NAALADL2: variants seen among roughly 807,000 people sequenced by gnomAD.
NAALADL2 encodes N-acetylated alpha-linked acidic dipeptidase like 2.
A neutral mutation model predicts 87.2 loss-of-function variants in NAALADL2; 76 were observed. The ratio of observed to expected loss-of-function variants is 0.87; its 90% CI spans 0.72 to 1.05. The LOEUF is 1.05. Among genes scored for constraint, NAALADL2 ranks in the 50% least tolerant of loss-of-function variants. The pLI, the probability that NAALADL2 is intolerant of heterozygous loss-of-function variation, is 0.00. For synonymous variants in NAALADL2, 354 were observed against 331.0 expected, an observed-to-expected ratio of 1.07 and a Z score of -0.75; for missense variants, 1,089 against 945.8, an observed-to-expected ratio of 1.15 and a Z score of -1.99.
chr3:174,475,900 A>T (rs1717181017), intron 1 of NAALADL2, among the ~76,000 whole-genome samples: 1 of 151,970 alleles, frequency 6.6e-6, no homozygotes, highest in African/African-American at 2.4e-5. Flanking sequence ...AGTCAAGGAG[A>T]TGAACAAAGG....
chr3:175,777,661 C>T (rs989148197), intron 13 of NAALADL2, among the ~76,000 whole-genome samples: 2 of 152,078 alleles, frequency 1.3e-5, no homozygotes, highest in Non-Finnish European at 2.9e-5. Context: ...AACCATCAGC[C>T]TCTGTGGTTG....
chr3:174,589,098 C>T lies in NAALADL2; in HGVS notation c.-115+38461C>T, dbSNP rs191552280. On this transcript the variant is annotated intron_variant, in intron 2 of 3. Transcript: ENST00000434257. ...ATGGCGGACACCCCTCCCCCAGCCT[C>T]GCTGCCACCTTGCAGTTCGATCTCA... 2.3e-3 allele frequency among the ~76,000 whole-genome samples: 344 copies of T among 152,302 alleles called. 2 individuals carry two copies. The highest frequency in any genetic ancestry group is 7.9e-3 in the African/African-American group (329 of 41,576).
chr3:174,470,318 C>T (rs1285309084), intron 1 of NAALADL2, among the ~76,000 whole-genome samples: 3 of 152,032 alleles, frequency 2.0e-5, no homozygotes, highest in Non-Finnish European at 2.9e-5. Flanking sequence ...TTCCTCTTCA[C>T]GTTCTTTGCC....
intron 10 of NAALADL2, among the ~76,000 whole-genome samples, chr3:175,582,228 A>T: frequency 6.6e-6 from 1 of 152,298 alleles, no homozygotes; most frequent in South Asian, 2.1e-4. Context: ...TAAAAAAAAA[A>T]AAGAAGAATG....
intron 2 of NAALADL2, among the ~76,000 whole-genome samples, chr3:175,137,376 G>A (rs866400244): frequency 6.6e-6 from 1 of 151,628 alleles, no homozygotes; most frequent in Non-Finnish European, 1.5e-5. Context: ...TTCTAATTAC[G>A]TTTTTACTTA....
At chr3:174,680,994 C>A (rs889251029) in intron 2 of NAALADL2, among the ~76,000 whole-genome samples, 11 of 152,184 alleles carry the variant, frequency 7.2e-5, no homozygotes, top group Non-Finnish European at 1.3e-4. Flanking sequence ...TCAACAGTAG[C>A]TGTGTTGCAT....
intron 3 of NAALADL2, among the ~76,000 whole-genome samples, chr3:174,787,872 T>G (rs920609380): frequency 6.6e-6 from 1 of 151,560 alleles, no homozygotes; most frequent in Non-Finnish European, 1.5e-5. Flanking sequence ...ATTCAGTTGG[T>G]TAATAACCAA....
At chr3:175,456,748 C>T (rs192367696) in intron 6 of NAALADL2, among the ~76,000 whole-genome samples, 39 of 152,102 alleles carry the variant, frequency 2.6e-4, no homozygotes, top group Middle Eastern at 3.4e-3. Flanking sequence ...ACATTACTAC[C>T]ATGCATTCCA....
chr3:175,529,731 C>T (rs1008631267), intron 9 of NAALADL2, among the ~76,000 whole-genome samples: 2 of 152,158 alleles, frequency 1.3e-5, no homozygotes, highest in African/African-American at 2.4e-5. Flanking sequence ...AAAGTAAGCA[C>T]CTTGGTCAGA....
rs184070053 is a variant in NAALADL2, at chr3:174,601,099, A to G, written c.-115+50462A>G. ...CCAATTATACTCTTTCAGTTATTTCATAGAAGTACAGATATCTCTTCAATA... is the reference window on the plus strand; with the variant it reads ...CCAATTATACTCTTTCAGTTATTTCGTAGAAGTACAGATATCTCTTCAATA... On this transcript the variant is annotated intron_variant, in intron 2 of 3. Transcript: ENST00000434257. Among the ~76,000 whole-genome samples, 14 of 152,242 alleles carry G rather than the reference A, an allele frequency of 9.2e-5. No homozygotes were observed. The East Asian group carries it at 1.4e-3, about 15-fold the overall frequency.
intron 1 of NAALADL2, among the ~76,000 whole-genome samples, chr3:175,013,063 A>ATATATAAAAATATGTAATATATATT (rs1750095055): frequency 5.6e-5 from 2 of 35,848 alleles, no homozygotes; most frequent in African/African-American, 2.3e-4. Flanking sequence ...ATATATACAC[A>ATATATAAAAATATGTAATATATATT]TATATATAAA....
intron 1 of NAALADL2, among the ~76,000 whole-genome samples, chr3:175,039,049 C>T (rs182400610): frequency 1.7e-4 from 26 of 152,086 alleles, no homozygotes; most frequent in African/African-American, 5.1e-4. Context: ...AGTAGCACCC[C>T]CCTTTTATTT....
intron 1 of NAALADL2, among the ~76,000 whole-genome samples, chr3:175,096,216 T>G (rs753569001): frequency 6.6e-6 from 1 of 152,140 alleles, no homozygotes; most frequent in Non-Finnish European, 1.5e-5. Flanking sequence ...TAACAGATTT[T>G]GCTTCTTGTA....
chr3:175,580,596 G>GA (rs11392006), intron 10 of NAALADL2, among the ~76,000 whole-genome samples: 21,733 of 152,072 alleles, frequency 0.14, 4,091 homozygotes, highest in African/African-American at 0.44. Flanking sequence ...TGCAGTATCT[G>GA]ATGAAATCTG....
intron 1 of NAALADL2, among the ~76,000 whole-genome samples, chr3:174,903,984 T>TA (rs58096492): frequency 5.3e-5 from 8 of 151,344 alleles, no homozygotes; most frequent in African/African-American, 9.7e-5. Flanking sequence ...TCTATATCTA[T>TA]TTCTATATCT....
chr3:175,652,985 G>A (rs1183695112), intron 11 of NAALADL2, among the ~76,000 whole-genome samples: 1 of 152,030 alleles, frequency 6.6e-6, no homozygotes, highest in Non-Finnish European at 1.5e-5. Flanking sequence ...CACATATTTT[G>A]TATGTTATAT....
intron 1 of NAALADL2, among the ~76,000 whole-genome samples, chr3:174,483,618 G>A (rs974654002): frequency 6.6e-6 from 1 of 152,018 alleles, no homozygotes; most frequent in Non-Finnish European, 1.5e-5. Context: ...AAGGAATAAA[G>A]TATAATCAGA....
intron 1 of NAALADL2, among the ~76,000 whole-genome samples, chr3:174,510,368 T>C (rs188881125): frequency 2.6e-5 from 4 of 152,242 alleles, no homozygotes; most frequent in African/African-American, 9.6e-5. Context: ...GAGGCTATGA[T>C]AGGCTTGAAA....
chr3:175,199,627 A>G (rs1739505381), intron 2 of NAALADL2, among the ~76,000 whole-genome samples: 1 of 151,156 alleles, frequency 6.6e-6, no homozygotes, highest in African/African-American at 2.4e-5. Context: ...ACTAAGGGCT[A>G]TGGTGCGTAG....
Sources: gnomAD v4.1 joint callset for allele counts (sites outside exome capture counted in the v4.1 genomes callset) on GRCh38, gnomAD v4.1.1 for gene constraint, MANE v1.5 for transcripts, NCBI Gene and HGNC (gene_info 2026-07-23, HGNC 2026-07-21) for gene names.